Variants in DDB1 observed in about 807,000 individuals in gnomAD.
The protein encoded by DDB1 is damage specific DNA binding protein 1, also known as DNA damage-binding protein 1.
A neutral mutation model predicts 133.1 loss-of-function variants in DDB1; 18 were observed. The ratio of observed to expected loss-of-function variants is 0.14; its 90% CI spans 0.09 to 0.20. The LOEUF is 0.20. Ranked by LOEUF, DDB1 falls within the 10% of genes least tolerant of loss-of-function variation. The probability of loss-of-function intolerance (pLI) is 1.00; values close to 1 mark genes in which losing one functional copy is unlikely to be tolerated. For missense variants in DDB1, 828 were observed against 1,459.2 expected, an observed-to-expected ratio of 0.57 and a Z score of 7.05; for synonymous variants, 580 against 550.5, an observed-to-expected ratio of 1.05 and a Z score of -0.75.
intron 20 of DDB1, 75 bp downstream of exon 20, chr11:61,309,721 C>G: frequency 6.6e-7 from 1 of 1,520,224 alleles, no homozygotes; most frequent in South Asian, 1.2e-5. Context: ...CTGAGGCTCT[C>G]TGAAACCTCA....
intron 21 of DDB1, 152 bp downstream of exon 21, chr11:61,308,831 G>A (rs1855915603): frequency 5.5e-6 from 4 of 720,818 alleles, no homozygotes; most frequent in South Asian, 1.8e-5. Flanking sequence ...CTCAGTTTCC[G>A]AGATTCTCAA....
At chr11:61,316,609 A>C in intron 10 of DDB1, 42 bp from the exon 11 acceptor site, 2 of 1,601,796 alleles carry the variant, frequency 1.2e-6, no homozygotes, top group Non-Finnish European at 8.6e-7. Flanking sequence ...GGACAGACCA[A>C]CACTTAGCAT....
intron 7 of DDB1, 137 bp downstream of exon 7, chr11:61,323,842 A>T: frequency 1.1e-6 from 1 of 937,956 alleles, no homozygotes; most frequent in Non-Finnish European, 1.7e-6. Flanking sequence ...TCAACAGTCA[A>T]CTTCCACAGC....
chr11:61,321,311 A>G, intron 10 of DDB1: 1 of 248,460 alleles, frequency 4.0e-6, no homozygotes, highest in Non-Finnish European at 7.6e-6. Flanking sequence ...TATGAATTCT[A>G]TCGGTTGCCT....
intron 8 of DDB1, chr11:61,322,684 C>T: frequency 1.8e-6 from 1 of 541,060 alleles, no homozygotes; most frequent in Non-Finnish European, 3.3e-6. Flanking sequence ...AAAATGTTTG[C>T]ATGCATTTTT....
At chr11:61,329,317 T>C in intron 4 of DDB1, 46 bp downstream of exon 4, 1 of 1,582,064 alleles carries the variant, frequency 6.3e-7, no homozygotes, top group Non-Finnish European at 8.7e-7. Context: ...ACAACTCCTA[T>C]CACATCAACC....
intron 3 of DDB1, 66 bp downstream of exon 3, chr11:61,329,888 TTTAA>T: frequency 1.5e-6 from 2 of 1,350,938 alleles, no homozygotes; most frequent in Non-Finnish European, 1.0e-6. Context: ...CCCCCAGCAC[TTTAA>T]TTTTTTCCAT....
intron 10 of DDB1, among the ~76,000 whole-genome samples, chr11:61,319,067 G>A (rs976341924): frequency 1.3e-5 from 2 of 152,298 alleles, no homozygotes; most frequent in East Asian, 1.9e-4. Context: ...TTAGCCAGGC[G>A]TGGTGGCGCA....
At chr11:61,323,950 T>C (rs1348008631) in intron 7 of DDB1, 29 bp downstream of exon 7, 1 of 1,613,452 alleles carries the variant, frequency 6.2e-7, no homozygotes, top group Non-Finnish European at 8.5e-7. Flanking sequence ...AAAAGAACAT[T>C]GTAGAGGAAC....
chr11:61,331,497 G>A (rs751723929), intron 2 of DDB1, 46 bp downstream of exon 2: 8 of 1,595,314 alleles, frequency 5.0e-6, no homozygotes, highest in South Asian at 3.3e-5. Context: ...AACAACCTAC[G>A]ACCAACAGTT....
intron 21 of DDB1, among the ~76,000 whole-genome samples, chr11:61,304,303 A>G (rs1033596005): frequency 6.6e-6 from 1 of 152,186 alleles, no homozygotes; most frequent in East Asian, 1.9e-4. Context: ...TAAAGGAAAC[A>G]GTAATGTGGG....
intron 9 of DDB1, 72 bp downstream of exon 9, chr11:61,322,224 A>T: frequency 8.3e-7 from 1 of 1,199,466 alleles, no homozygotes; most frequent in Non-Finnish European, 1.2e-6. Flanking sequence ...TCCCCATTCT[A>T]GATAAGCATA....
At chr11:61,306,922 T>A (rs1419467510) in intron 21 of DDB1, among the ~76,000 whole-genome samples, 1 of 152,220 alleles carries the variant, frequency 6.6e-6, no homozygotes, top group East Asian at 1.9e-4. Context: ...CCTCTCACTC[T>A]TCTGGTCCTA....
intron 15 of DDB1, 46 bp from the exon 16 acceptor site, chr11:61,313,752 C>A: frequency 6.3e-7 from 1 of 1,579,386 alleles, no homozygotes. Flanking sequence ...GAAAACAGGA[C>A]AAAAAGCTGG....
intron 8 of DDB1, 76 bp from the exon 9 acceptor site, chr11:61,322,488 A>C: frequency 9.1e-7 from 1 of 1,099,656 alleles, no homozygotes; most frequent in East Asian, 2.4e-5. Flanking sequence ...GTTATTGTCC[A>C]AAAGAAACTC....
rs1481001196 is a variant in DDB1 at position 61,331,604 on chromosome 11, C to G, written c.149G>C (p.Arg50Pro). Residue 50 changes from arginine to proline, a missense_variant, in exon 2 of 27, where the codon CGG (arginine) becomes CCG (proline). Arg to Pro is a moderately radical substitution (Grantham distance 103, BLOSUM62 -2). Coordinates refer to ENST00000301764, the MANE Select transcript of DDB1 (RefSeq NM_001923.5). ...EIYVVTAEGL[R>P]PVKEVGMYGK... ...ATACATGCCCACCTCTTTGACGGGC[C>G]GAAGCCCCTCGGCGGTGACCACATA... 6.2e-7 allele frequency: 1 copy of G among 1,614,152 alleles called. No individual in the cohort carries two copies. Among genetic ancestry groups the G allele is most frequent in the Non-Finnish European group, 8.5e-7 (1 of 1,180,042 alleles).
intron 25 of DDB1, 196 bp downstream of exon 25, chr11:61,302,061 T>C (rs1046463609): frequency 3.9e-6 from 2 of 511,404 alleles, no homozygotes; most frequent in South Asian, 5.9e-5. Flanking sequence ...GATAAGTACT[T>C]TGGGAGTCAA....
At chr11:61,318,330 C>T (rs146396717) in intron 10 of DDB1, among the ~76,000 whole-genome samples, 1 of 152,318 alleles carries the variant, frequency 6.6e-6, no homozygotes, top group African/African-American at 2.4e-5. Context: ...CAGGTAGAGG[C>T]TCAGAACTGG....
At position 61,314,150 on chromosome 11, in the gene DDB1, A is replaced by G; in HGVS notation, c.1650T>C (p.Asn550=). 6.2e-7 allele frequency: 1 copy of G among 1,613,828 alleles called. No individual in the cohort carries two copies. Residue 550 remains asparagine (N), a synonymous_variant, in exon 14 of 27, where the codon AAT becomes AAC. Transcript: ENST00000301764. ...CAATGGCACAAAGAGGGGACAGTCCATTGCTGTCTCCTAATGGGGTGATGT... is the reference window on the plus strand; with the variant it reads ...CAATGGCACAAAGAGGGGACAGTCCGTTGCTGTCTCCTAATGGGGTGATGT... ...CLDITPLGDS[N]GLSPLCAIGL...
Sources: allele counts gnomAD v4.1 joint callset (sites outside exome capture counted in the v4.1 genomes callset), GRCh38; gene constraint gnomAD v4.1.1; transcripts MANE v1.5; gene names NCBI Gene and HGNC (gene_info 2026-07-23, HGNC 2026-07-21).